MCM9: variants seen among roughly 807,000 people sequenced by gnomAD.
MCM9 encodes the protein minichromosome maintenance 9 homologous recombination repair factor, also known as DNA helicase MCM9.
In MCM9, 55 loss-of-function variants were observed where a neutral mutation model predicts 72.8. The ratio of observed to expected loss-of-function variants is 0.76; its 90% CI spans 0.61 to 0.95. The LOEUF (loss-of-function observed/expected upper bound fraction) is 0.95. Among genes scored for constraint, MCM9 ranks in the 40% least tolerant of loss-of-function variants. The pLI, the probability that MCM9 is intolerant of heterozygous loss-of-function variation, is 0.00. For synonymous variants in MCM9, 480 were observed against 503.4 expected (o/e 0.95, Z 0.62); for missense variants, 1,279 against 1,377.0 (o/e 0.93, Z 1.13).
At chr6:118,903,672 G>A (rs909938626) in intron 8 of MCM9, among the ~76,000 whole-genome samples, 2 of 152,216 alleles carry the variant, frequency 1.3e-5, no homozygotes, top group Non-Finnish European at 2.9e-5. Context: ...ATTAAAAGAT[G>A]AATTTTTCAG....
At chr6:118,824,854 T>G (rs940707771) in intron 13 of MCM9, among the ~76,000 whole-genome samples, 4 of 152,198 alleles carry the variant, frequency 2.6e-5, no homozygotes, top group Non-Finnish European at 5.9e-5. Flanking sequence ...CCTGGTTTTG[T>G]TGCTTTCAGG....
At chr6:118,877,067 G>T (rs937610526) in intron 8 of MCM9, among the ~76,000 whole-genome samples, 1 of 152,186 alleles carries the variant, frequency 6.6e-6, no homozygotes, top group African/African-American at 2.4e-5. Flanking sequence ...CAGCCACTAT[G>T]TTGTAAAGAA....
At chr6:118,852,737 G>A (rs564987846) in intron 9 of MCM9, among the ~76,000 whole-genome samples, 3 of 151,976 alleles carry the variant, frequency 2.0e-5, no homozygotes, top group Non-Finnish European at 2.9e-5. Context: ...TAAAATTAAC[G>A]GTTATGTGGC....
intron 9 of MCM9, among the ~76,000 whole-genome samples, chr6:118,840,141 TGAACTGTA>T (rs1272919372): frequency 6.6e-6 from 1 of 151,028 alleles, no homozygotes; most frequent in Non-Finnish European, 1.5e-5. Flanking sequence ...TTAATACTAC[TGAACTGTA>T]GATGGTAGAT....
intron 8 of MCM9, chr6:118,907,540 T>G: frequency 6.2e-7 from 1 of 1,613,726 alleles, no homozygotes; most frequent in Non-Finnish European, 8.5e-7. Context: ...TGCATTACCT[T>G]CAGCATCAAA....
At chr6:118,845,503 A>G (rs1044700098) in intron 9 of MCM9, among the ~76,000 whole-genome samples, 3 of 151,852 alleles carry the variant, frequency 2.0e-5, no homozygotes, top group Admixed American at 6.5e-5. Context: ...TCACTAAAAA[A>G]GCGGGGAGCT....
intron 8 of MCM9, 69 bp from the exon 9 acceptor site, chr6:118,856,614 C>G (rs1776569981): frequency 1.4e-6 from 2 of 1,476,914 alleles, no homozygotes; most frequent in South Asian, 1.3e-5. Context: ...CGCAGTGGCT[C>G]ACACCTGTAA....
In MCM9 at chr6:118,838,987, T is replaced by C. The variant is rs141863865; in HGVS notation, c.1326-9737A>G. ...TTGAATGTTGGCCTGTCCTGCTAGGTAGTTTTCCTGGATAATATCCTGAAG... is the reference window on the plus strand; with the variant it reads ...TTGAATGTTGGCCTGTCCTGCTAGGCAGTTTTCCTGGATAATATCCTGAAG... On this transcript the variant is annotated intron_variant, in intron 9 of 13. Coordinates refer to ENST00000619706, the MANE Select transcript of MCM9 (RefSeq NM_017696.3). Among the ~76,000 whole-genome samples, 1,498 of 152,100 alleles carry C rather than the reference T, an allele frequency of 9.8e-3. 26 individuals carry two copies. The highest frequency in any genetic ancestry group is 0.034 in the African/African-American group (1,410 of 41,532).
chr6:118,917,513 G>T, intron 6 of MCM9, 48 bp downstream of exon 6: 1 of 1,541,512 alleles, frequency 6.5e-7, no homozygotes, highest in South Asian at 1.1e-5. Flanking sequence ...TTTAACCACT[G>T]AATGTAATAC....
intron 9 of MCM9, among the ~76,000 whole-genome samples, chr6:118,840,742 C>CTTTTTTTT (rs36185833): frequency 1.3e-5 from 1 of 77,780 alleles, no homozygotes; most frequent in African/African-American, 4.7e-5. Flanking sequence ...TCCCCCCCCC[C>CTTTTTTTT]TTTTTTTTTT....
chr6:118,911,629 T>C (rs1780553866), intron 8 of MCM9, 21 bp downstream of exon 8: 1 of 1,596,470 alleles, frequency 6.3e-7, no homozygotes, highest in Non-Finnish European at 8.5e-7. Flanking sequence ...TTAAATTACT[T>C]GAAATTGTCA....
At chr6:118,896,901 A>C (rs1375922118) in intron 8 of MCM9, among the ~76,000 whole-genome samples, 1 of 152,086 alleles carries the variant, frequency 6.6e-6, no homozygotes, top group Non-Finnish European at 1.5e-5. Context: ...ACAGTGGTGC[A>C]AACACAGCTG....
At chr6:118,871,868 C>T (rs1188703943) in intron 8 of MCM9, among the ~76,000 whole-genome samples, 1 of 151,908 alleles carries the variant, frequency 6.6e-6, no homozygotes, top group African/African-American at 2.4e-5. Context: ...GATCGCACCA[C>T]CGAATTCCAG....
chr6:118,929,471 T>C (rs1285045494), intron 3 of MCM9, among the ~76,000 whole-genome samples: 7 of 152,230 alleles, frequency 4.6e-5, no homozygotes, highest in Non-Finnish European at 8.8e-5. Context: ...AGTAGTAACA[T>C]AATTTGTAAC....
rs41292552 is a variant in MCM9 at position 118,917,739 on chromosome 6, C to T, written c.726G>A (p.Gly242=). The T allele has an allele frequency of 0.031, 49,914 of 1,614,058 alleles. 938 individuals carry two copies. Among genetic ancestry groups the T allele is most frequent in the Non-Finnish European group, 0.035 (41,835 of 1,179,936 alleles). ...CKSGDDLTIY[G]IVMQRWKPFQ... is the part of the protein sequence containing the mutation. Reference sequence around the variant, plus strand: ...AGGGCTTCCACCGTTGCATTACAATCCCGTAAATAGTGAGGTCATCACCTA... The same window carrying T: ...AGGGCTTCCACCGTTGCATTACAATTCCGTAAATAGTGAGGTCATCACCTA... Residue 242 remains glycine, a synonymous_variant, in exon 6 of 14, where the codon GGG becomes GGA. Transcript: ENST00000619706.
Position 118,815,690 on chromosome 6 carries a change from C to T in MCM9, c.2566G>A (p.Ala856Thr), listed in dbSNP as rs117293145. The stretch of plus-strand genomic sequence containing the variant: ...GTGCTATTTCTGCACAACTTCTGGG[C>T]CCTCTCTTTGCACAGCTTCTGCAGG... ...RNLQKLCKER[A>T]QKLCRNSTRV... Residue 856 changes from alanine to threonine, a missense_variant, in exon 14 of 14, where the codon GCC (alanine) becomes ACC (threonine). Transcript: ENST00000619706. 1,727 of 1,548,496 alleles carry T rather than the reference C, an allele frequency of 1.1e-3. 1 individual carries two copies. The highest frequency in any genetic ancestry group is 1.4e-3 in the Non-Finnish European group (1,644 of 1,146,590).
chr6:118,934,837 G>GTCT (rs1371994024), intron 1 of MCM9, 54 bp downstream of exon 1: 1 of 152,280 alleles, frequency 6.6e-6, no homozygotes, highest in East Asian at 1.9e-4. Context: ...AACGAGACTT[G>GTCT]GGACGAACTG....
intron 9 of MCM9, among the ~76,000 whole-genome samples, chr6:118,849,906 A>T (rs1338080137): frequency 6.6e-6 from 1 of 151,918 alleles, no homozygotes; most frequent in Non-Finnish European, 1.5e-5. Context: ...TAGGAAGGAC[A>T]AATCAGAAAC....
At position 118,917,595 on chromosome 6, in the gene MCM9, A is replaced by G; in HGVS notation, c.870T>C (p.Asp290=). ...MDEEVQKEFE[D]FWEYYKSDPF... is the part of the protein sequence containing the mutation. ...GATCGCTCTTATAGTATTCCCAAAAATCTTCGAATTCCTTTTGGACCTCCT... is the reference window on the plus strand; with the variant it reads ...GATCGCTCTTATAGTATTCCCAAAAGTCTTCGAATTCCTTTTGGACCTCCT... The change falls in exon 6 of 14, where the codon GAT becomes GAC. Residue 290 remains aspartate (D), a synonymous_variant. Transcript: ENST00000619706. The G allele has an allele frequency of 6.2e-7, 1 of 1,614,190 alleles. No individual in the cohort carries two copies. The highest frequency in any genetic ancestry group is 2.2e-5 in the East Asian group (1 of 44,882).
Sources: gnomAD v4.1 joint callset for allele counts (sites outside exome capture counted in the v4.1 genomes callset) on GRCh38, gnomAD v4.1.1 for gene constraint, MANE v1.5 for transcripts, NCBI Gene and HGNC (gene_info 2026-07-23, HGNC 2026-07-21) for gene names.